Variants in SPOP observed in about 807,000 individuals in gnomAD.
The protein encoded by SPOP is speckle-type POZ protein.
A neutral mutation model predicts 45.6 loss-of-function variants in SPOP; 11 were observed. The ratio of observed to expected loss-of-function variants is 0.24; its 90% CI spans 0.15 to 0.40. The LOEUF is 0.40. Among genes scored for constraint, SPOP ranks in the 10% least tolerant of loss-of-function variants. The pLI is 1.00. For missense variants in SPOP, 152 were observed against 465.6 expected, an observed-to-expected ratio of 0.33 and a Z score of 6.20; for synonymous variants, 166 against 166.3, an observed-to-expected ratio of 1.00 and a Z score of 0.01.
At chr17:49,610,997 T>A (rs187892784) in intron 6 of SPOP, among the ~76,000 whole-genome samples, 1 of 152,134 alleles carries the variant, frequency 6.6e-6, no homozygotes, top group Non-Finnish European at 1.5e-5. Context: ...TGCTCTGACA[T>A]CTACTCTCTA....
chr17:49,635,284 TA>T (rs2143396915), intron 1 of SPOP, among the ~76,000 whole-genome samples: 1 of 152,316 alleles, frequency 6.6e-6, no homozygotes, highest in African/African-American at 2.4e-5. Flanking sequence ...AAGGAAAAAG[TA>T]AAACCACACA....
intron 8 of SPOP, among the ~76,000 whole-genome samples, chr17:49,604,150 C>A (rs753426026): frequency 6.6e-6 from 1 of 152,178 alleles, no homozygotes; most frequent in Non-Finnish European, 1.5e-5. Context: ...GAGCACAGAT[C>A]AGGCAGAATC....
chr17:49,601,835 G>C (rs1567767228), intron 9 of SPOP, 30 bp downstream of exon 9: 1 of 1,610,034 alleles, frequency 6.2e-7, no homozygotes, highest in Non-Finnish European at 8.5e-7. Flanking sequence ...CAACTATTTT[G>C]AAAGAAGAAC....
intron 1 of SPOP, among the ~76,000 whole-genome samples, chr17:49,623,667 A>G (rs973426487): frequency 1.3e-5 from 2 of 152,100 alleles, no homozygotes; most frequent in African/African-American, 4.8e-5. Flanking sequence ...TTGAAGGGGA[A>G]TATTTTTACA....
At position 49,619,416 on chromosome 17, in the gene SPOP, C is replaced by T. The variant is rs2143275469; in HGVS notation, c.201-31G>A. ...CAAAACAGATAGAAAAAAAAAATGT[C>T]AAAAGCATCCATTTTGATAGAACTG... is the stretch of plus-strand genomic sequence containing the variant. On this transcript the variant is annotated intron_variant, in intron 3 of 9. Transcript: ENST00000504102. This position sits in a 1 kb window ranked among gnomAD's most constrained non-coding sequence, Gnocchi z 4.9. 6.3e-7 allele frequency: 1 copy of T among 1,580,546 alleles called. No individual in the cohort carries two copies.
intron 1 of SPOP, among the ~76,000 whole-genome samples, chr17:49,638,233 T>G (rs764131750): frequency 1.1e-4 from 16 of 152,202 alleles, no homozygotes; most frequent in South Asian, 2.1e-4. Context: ...AAAATTCCAC[T>G]GCTATATTCC....
At chr17:49,660,594 C>T (rs1320760104) in intron 1 of SPOP, among the ~76,000 whole-genome samples, 1 of 151,990 alleles carries the variant, frequency 6.6e-6, no homozygotes, top group Non-Finnish European at 1.5e-5. Flanking sequence ...TAACTGGTAC[C>T]CAATTAATAT....
chr17:49,623,037 G>A (rs754021875), intron 1 of SPOP, among the ~76,000 whole-genome samples, 161 bp from the exon 2 acceptor site: 18 of 148,808 alleles, frequency 1.2e-4, no homozygotes, highest in Non-Finnish European at 1.9e-4. Context: ...TGATAGTTTC[G>A]CTCTTGTTGC....
At chr17:49,636,895 G>A (rs1031474583) in intron 1 of SPOP, 1 of 152,018 alleles carries the variant, frequency 6.6e-6, no homozygotes, top group Admixed American at 6.5e-5. Flanking sequence ...TTCCTAAAAA[G>A]GAAAAATCTC....
chr17:49,615,516 T>TTTA (rs1567775627), intron 5 of SPOP, among the ~76,000 whole-genome samples: 39 of 152,022 alleles, frequency 2.6e-4, no homozygotes, highest in African/African-American at 7.7e-4. Flanking sequence ...TTATTTATTT[T>TTTA]TTAACAGACA....
In SPOP at chr17:49,599,515, T is replaced by TTG. The variant is rs1555571494; in HGVS notation, c.*862_*863insCA. On this transcript the variant is annotated 3_prime_UTR_variant, in exon 10 of 10. Coordinates refer to ENST00000504102, the MANE Select transcript of SPOP (RefSeq NM_001007228.2). ...TGTTTTTGTTTTGTGTGTTTTTTTT[T>TTG]TTGTTTGTTTTTTAGAAAAAGGGGT... The TTG allele has an allele frequency of 2.1e-5, 4 of 192,742 alleles. No homozygotes were observed. Among genetic ancestry groups the TTG allele is most frequent in the East Asian group, 7.8e-5 (1 of 12,790 alleles). 11.9% of individuals were successfully genotyped at this position (192,742 alleles called of 1,614,324 possible).
rs182544614 is a variant in SPOP at position 49,661,514 on chromosome 17, C to T, written c.-67+16419G>A. ...AAGCCCAGCTCAAAGGTAACCTTCA[C>T]GAAGACAGTCCTGAATCTCACCCCA... On this transcript the variant is annotated intron_variant, in intron 1 of 9. Coordinates refer to ENST00000504102, the MANE Select transcript of SPOP (RefSeq NM_001007228.2). 2.5e-4 allele frequency among the ~76,000 whole-genome samples: 38 copies of T among 152,274 alleles called. No individual in the cohort carries two copies. The East Asian group carries it at 4.8e-3, about 19-fold the overall frequency.
Position 49,600,903 on chromosome 17 carries a change from A to C in SPOP, c.981-381T>G. On this transcript the variant is annotated intron_variant, in intron 9 of 9. Coordinates refer to ENST00000504102, the MANE Select transcript of SPOP (RefSeq NM_001007228.2). The surrounding 1 kb of genome is among the most constrained non-coding windows in gnomAD (Gnocchi z 4.2). The stretch of plus-strand genomic sequence containing the variant: ...TTGCCACTCACCAGCCTTTAACCAC[A>C]GGGCAGATCAGAGCCTGGGGCCTAC... 1 of 204,318 alleles carries C rather than the reference A, an allele frequency of 4.9e-6. No homozygotes were observed. 12.7% of individuals were successfully genotyped at this position (204,318 alleles called of 1,614,324 possible). A position where few individuals can be genotyped will look rare whatever the true frequency, so the allele number is the denominator to read the frequency against.
At chr17:49,612,547 C>A (rs901185588) in intron 5 of SPOP, among the ~76,000 whole-genome samples, 1 of 152,152 alleles carries the variant, frequency 6.6e-6, no homozygotes, top group Non-Finnish European at 1.5e-5. Context: ...ACCAGTTCAG[C>A]CTAGGTAAAA....
intron 5 of SPOP, among the ~76,000 whole-genome samples, chr17:49,611,886 CTT>C (rs58317598): frequency 2.1e-5 from 3 of 146,260 alleles, no homozygotes; most frequent in Non-Finnish European, 4.5e-5. Context: ...AATCTGATCA[CTT>C]TTTTTTTTTT....
At chr17:49,623,178 G>A (rs1274144955) in intron 1 of SPOP, among the ~76,000 whole-genome samples, 1 of 151,880 alleles carries the variant, frequency 6.6e-6, no homozygotes, top group Admixed American at 6.6e-5. Context: ...CTGACTAATT[G>A]TGTATTTTTA....
At chr17:49,641,000 C>T (rs1248008252) in intron 1 of SPOP, among the ~76,000 whole-genome samples, 6 of 152,096 alleles carry the variant, frequency 3.9e-5, no homozygotes, top group African/African-American at 1.2e-4. Flanking sequence ...TGGTGGCTCA[C>T]GCCTGTAATA....
At chr17:49,671,974 A>G (rs1184697073) in intron 1 of SPOP, among the ~76,000 whole-genome samples, 2 of 152,078 alleles carry the variant, frequency 1.3e-5, no homozygotes, top group Non-Finnish European at 2.9e-5. Flanking sequence ...CCCCATCTCT[A>G]CTAAAAATAC....
intron 1 of SPOP, among the ~76,000 whole-genome samples, chr17:49,662,797 A>G (rs748241738): frequency 2.0e-5 from 3 of 152,152 alleles, no homozygotes; most frequent in Admixed American, 6.5e-5. Flanking sequence ...CATTATGTTC[A>G]GTGATGTTAA....
Sources: allele counts gnomAD v4.1 joint callset (sites outside exome capture counted in the v4.1 genomes callset), GRCh38; gene constraint gnomAD v4.1.1; non-coding constraint Gnocchi (gnomAD v3.1); transcripts MANE v1.5; gene names NCBI Gene and HGNC (gene_info 2026-07-23, HGNC 2026-07-21).